KCNH1: variants seen among roughly 807,000 people sequenced by gnomAD.
KCNH1 encodes potassium voltage-gated channel subfamily H member 1.
KCNH1 carries 27 observed loss-of-function variants against 69.2 expected under a neutral mutation model. The observed-to-expected ratio is 0.39, with a 90% CI of 0.29 to 0.54. KCNH1 has a LOEUF of 0.54. Among genes scored for constraint, KCNH1 ranks in the 20% least tolerant of loss-of-function variants. The pLI, the probability that KCNH1 is intolerant of heterozygous loss-of-function variation, is 0.68. For synonymous variants in KCNH1, 456 were observed against 487.7 expected (o/e 0.93, Z 0.86); for missense variants, 798 against 1,261.6 (o/e 0.63, Z 5.57).
intron 5 of KCNH1, among the ~76,000 whole-genome samples, chr1:211,033,225 C>T (rs1269832284): frequency 6.6e-6 from 1 of 152,202 alleles, no homozygotes; most frequent in African/African-American, 2.4e-5. Context: ...CCATCTCACA[C>T]CAGTTAGAAT....
chr1:210,788,909 G>C (rs548975365), intron 9 of KCNH1, among the ~76,000 whole-genome samples: 1 of 148,418 alleles, frequency 6.7e-6, no homozygotes, highest in Non-Finnish European at 1.5e-5. Flanking sequence ...TTTTAGCCGG[G>C]ATGGTCTCGA....
chr1:210,812,652 T>G (rs1684730111), intron 7 of KCNH1, among the ~76,000 whole-genome samples: 1 of 152,244 alleles, frequency 6.6e-6, no homozygotes, highest in Non-Finnish European at 1.5e-5. Context: ...CTGTTGCCTA[T>G]GCAGGGTGCA....
chr1:210,942,269 G>A (rs1490783162), intron 6 of KCNH1, among the ~76,000 whole-genome samples: 1 of 152,140 alleles, frequency 6.6e-6, no homozygotes, highest in Non-Finnish European at 1.5e-5. Flanking sequence ...GCCACCAAGA[G>A]GAGTCTCATG....
chr1:210,931,393 A>C (rs1423445818), intron 6 of KCNH1, among the ~76,000 whole-genome samples: 5 of 152,228 alleles, frequency 3.3e-5, no homozygotes, highest in Admixed American at 2.0e-4. Flanking sequence ...GGAGACTATT[A>C]TTCTAAATGA....
At chr1:210,781,762 C>T (rs1683991739) in intron 9 of KCNH1, among the ~76,000 whole-genome samples, 1 of 152,234 alleles carries the variant, frequency 6.6e-6, no homozygotes, top group Non-Finnish European at 1.5e-5. Flanking sequence ...GCCCAAATCT[C>T]CTCCTCCCCA....
chr1:210,993,016 C>T (rs1017048295), intron 6 of KCNH1, among the ~76,000 whole-genome samples: 1 of 152,144 alleles, frequency 6.6e-6, no homozygotes, highest in African/African-American at 2.4e-5. Flanking sequence ...TCTCAGAAGT[C>T]TCCCTCTAGG....
intron 5 of KCNH1, among the ~76,000 whole-genome samples, chr1:211,054,775 C>T (rs1329752628): frequency 2.0e-5 from 3 of 150,154 alleles, no homozygotes; most frequent in Admixed American, 6.6e-5. Context: ...AGAATGTATA[C>T]CTTTGAAACC....
intron 7 of KCNH1, among the ~76,000 whole-genome samples, chr1:210,862,871 C>G (rs74919638): frequency 1.3e-5 from 2 of 152,130 alleles, no homozygotes. Flanking sequence ...TTGGCTGAAT[C>G]TCAAAAATGT....
intron 7 of KCNH1, among the ~76,000 whole-genome samples, chr1:210,909,129 G>T (rs1445667064): frequency 1.3e-5 from 2 of 152,226 alleles, no homozygotes; most frequent in South Asian, 4.1e-4. Context: ...TTGTTAGTCT[G>T]CAAAATCACT....
chr1:210,857,198 G>A (rs371414048), intron 7 of KCNH1, among the ~76,000 whole-genome samples: 16 of 151,434 alleles, frequency 1.1e-4, no homozygotes, highest in African/African-American at 2.9e-4. Context: ...TCACACCAGC[G>A]ACTACACGTT....
chr1:210,830,966 G>A (rs1209898207), intron 7 of KCNH1, among the ~76,000 whole-genome samples: 1 of 152,132 alleles, frequency 6.6e-6, no homozygotes, highest in African/African-American at 2.4e-5. Context: ...ACCAGCACTG[G>A]TTTTAGATTT....
chr1:210,823,305 C>T (rs1558484449), intron 7 of KCNH1, among the ~76,000 whole-genome samples: 1 of 152,140 alleles, frequency 6.6e-6, no homozygotes, highest in Non-Finnish European at 1.5e-5. Flanking sequence ...CAAAAGAGAA[C>T]TGATTCCCAG....
At chr1:210,950,099 G>A (rs1275983542) in intron 6 of KCNH1, among the ~76,000 whole-genome samples, 2 of 152,158 alleles carry the variant, frequency 1.3e-5, no homozygotes, top group East Asian at 3.9e-4. Context: ...ATTCTTCTCT[G>A]AACACCAGGT....
At chr1:210,938,293 A>T (rs1687812467) in intron 6 of KCNH1, among the ~76,000 whole-genome samples, 1 of 152,206 alleles carries the variant, frequency 6.6e-6, no homozygotes, top group South Asian at 2.1e-4. Context: ...GAAATAAATT[A>T]TTTTCTTATC....
intron 6 of KCNH1, among the ~76,000 whole-genome samples, chr1:210,996,958 G>A (rs1370956468): frequency 6.6e-6 from 1 of 152,200 alleles, no homozygotes; most frequent in Non-Finnish European, 1.5e-5. Context: ...GGTTCTGTCT[G>A]TTAGAAGGAA....
intron 5 of KCNH1, among the ~76,000 whole-genome samples, chr1:211,020,412 A>T (rs2102414986): frequency 6.6e-6 from 1 of 152,018 alleles, no homozygotes; most frequent in East Asian, 1.9e-4. Context: ...GACACATACA[A>T]CCTACCAAGA....
At position 210,921,966 on chromosome 1, in the gene KCNH1, T is replaced by A. The variant is rs72757566; in HGVS notation, c.1033-1897A>T. 9.1e-3 allele frequency among the ~76,000 whole-genome samples: 1,389 copies of A among 152,280 alleles called. 6 individuals are homozygous for A. Among genetic ancestry groups the A allele is most frequent in the Non-Finnish European group, 0.014 (933 of 68,030 alleles). Reference sequence around the variant, plus strand: ...TGACAAATACGGAGCCCCTCTGTCATGTGAACACGTATAAACCATACGTAG... The same window carrying A: ...TGACAAATACGGAGCCCCTCTGTCAAGTGAACACGTATAAACCATACGTAG... On this transcript the variant is annotated intron_variant, in intron 6 of 10. Coordinates refer to ENST00000271751, the MANE Select transcript of KCNH1 (RefSeq NM_172362.3).
chr1:211,016,252 A>G (rs1370604411), intron 6 of KCNH1, among the ~76,000 whole-genome samples: 2 of 152,056 alleles, frequency 1.3e-5, no homozygotes, highest in African/African-American at 4.8e-5. Context: ...AACCCAACAT[A>G]TACAGTTGGT....
At chr1:210,937,227 A>G (rs995906395) in intron 6 of KCNH1, among the ~76,000 whole-genome samples, 24 of 152,162 alleles carry the variant, frequency 1.6e-4, no homozygotes, top group Non-Finnish European at 3.1e-4. Context: ...CTACCTTCCC[A>G]AGGGTTACCA....
Sources: gnomAD v4.1 joint callset for allele counts (sites outside exome capture counted in the v4.1 genomes callset) on GRCh38, gnomAD v4.1.1 for gene constraint, MANE v1.5 for transcripts, NCBI Gene and HGNC (gene_info 2026-07-23, HGNC 2026-07-21) for gene names.